ABCB1: variants seen among roughly 807,000 people sequenced by gnomAD.
ABCB1 encodes the protein ATP binding cassette subfamily B member 1, also known as ATP-dependent translocase ABCB1.
A neutral mutation model predicts 142.0 loss-of-function variants in ABCB1; 69 were observed. The ratio of observed to expected loss-of-function variants is 0.49; its 90% CI spans 0.40 to 0.59. The LOEUF is 0.59. Ranked by LOEUF, ABCB1 falls within the 20% of genes least tolerant of loss-of-function variation. The probability of loss-of-function intolerance (pLI) is 0.00; values close to 1 mark genes in which losing one functional copy is unlikely to be tolerated. For synonymous variants in ABCB1, 532 were observed against 539.2 expected, an observed-to-expected ratio of 0.99 and a Z score of 0.18; for missense variants, 1,326 against 1,554.7, an observed-to-expected ratio of 0.85 and a Z score of 2.47.
At chr7:87,625,748 A>T in intron 1 of ABCB1, among the ~76,000 whole-genome samples, 1 of 152,112 alleles carries the variant, frequency 6.6e-6, no homozygotes, top group East Asian at 1.9e-4. Context: ...GACTCTTTAT[A>T]AGCCTCCGTG....
chr7:87,595,884 T>C, intron 2 of ABCB1, 70 bp from the exon 3 acceptor site: 1 of 1,197,010 alleles, frequency 8.4e-7, no homozygotes, highest in Non-Finnish European at 1.2e-6. Context: ...CAAATTAACA[T>C]AGAATGTATA....
chr7:87,517,436 T>A (rs1318421343), intron 23 of ABCB1, among the ~76,000 whole-genome samples: 2 of 152,048 alleles, frequency 1.3e-5, no homozygotes, highest in Non-Finnish European at 2.9e-5. Context: ...GAGGCACACA[T>A]GGAGGAGAGC....
intron 8 of ABCB1, among the ~76,000 whole-genome samples, chr7:87,555,489 T>C (rs1259706228): frequency 6.6e-6 from 1 of 152,212 alleles, no homozygotes; most frequent in African/African-American, 2.4e-5. Flanking sequence ...ACATGCATTG[T>C]TTCTTGCTTT....
chr7:87,535,873 G>T (rs963890684), intron 20 of ABCB1, among the ~76,000 whole-genome samples: 5 of 152,126 alleles, frequency 3.3e-5, no homozygotes, highest in Non-Finnish European at 7.4e-5. Context: ...AGTTGTAGAA[G>T]AAATTGTCAC....
At chr7:87,593,669 G>T (rs533120510) in intron 3 of ABCB1, among the ~76,000 whole-genome samples, 2 of 152,324 alleles carry the variant, frequency 1.3e-5, no homozygotes, top group South Asian at 2.1e-4. Context: ...AAATTTTGGT[G>T]CATGCTGGGT....
intron 1 of ABCB1, chr7:87,700,277 C>A (rs1306302461): frequency 1.4e-5 from 9 of 620,892 alleles, no homozygotes; most frequent in Non-Finnish European, 2.1e-5. Flanking sequence ...AGATTTGAGG[C>A]TTTTTGACAC....
chr7:87,600,256 C>A (rs1402886269), intron 1 of ABCB1, 66 bp from the exon 2 acceptor site: 29 of 1,316,608 alleles, frequency 2.2e-5, no homozygotes, highest in Non-Finnish European at 3.0e-5. Context: ...GTGAGACTAA[C>A]CTCTAGTCCC....
intron 18 of ABCB1, among the ~76,000 whole-genome samples, chr7:87,540,701 C>T (rs12154941): frequency 0.33 from 50,712 of 152,080 alleles, 9,087 homozygotes; most frequent in Non-Finnish European, 0.4. Flanking sequence ...CCACTCACCT[C>T]GGCCTCCCAA....
At chr7:87,700,562 A>G (rs1051958316) in intron 1 of ABCB1, 2 of 1,602,904 alleles carry the variant, frequency 1.2e-6, no homozygotes, top group Admixed American at 1.7e-5. Flanking sequence ...AAGGTAAGAC[A>G]TTGGTCAGAG....
chr7:87,531,885 G>A (rs995262912), intron 20 of ABCB1, among the ~76,000 whole-genome samples: 2 of 152,154 alleles, frequency 1.3e-5, no homozygotes, highest in African/African-American at 2.4e-5. Flanking sequence ...TAAGCCTAAC[G>A]TTTGTCATTA....
chr7:87,589,389 C>T lies in ABCB1; in HGVS notation c.118-3709G>A, dbSNP rs71562756. Among the ~76,000 whole-genome samples the T allele has an allele frequency of 8.4e-3, 1,275 of 152,234 alleles. 10 individuals carry two copies. Among genetic ancestry groups the T allele is most frequent in the Middle Eastern group, 0.017 (5 of 294 alleles). On this transcript the variant is annotated intron_variant, in intron 3 of 27. Coordinates refer to ENST00000622132, the MANE Select transcript of ABCB1 (RefSeq NM_001348946.2). ...TTTGAAAATATAATAATTAACAAGA[C>T]TTTTCACTCTCATAAAGTCAAAAAG...
chr7:87,588,807 A>G lies in ABCB1; in HGVS notation c.118-3127T>C, dbSNP rs185580830. On this transcript the variant is annotated intron_variant, in intron 3 of 27. Transcript: ENST00000622132. ...GTTCCTTTTTCTCCACAATCTTGCC[A>G]GCATCTGTTATTTTTTTACTTTGTA... 1.4e-3 allele frequency among the ~76,000 whole-genome samples: 212 copies of G among 152,320 alleles called. 5 individuals are homozygous for G. The highest frequency in any genetic ancestry group is 0.014 in the Admixed American group (210 of 15,296).
intron 21 of ABCB1, among the ~76,000 whole-genome samples, chr7:87,529,902 C>T (rs1392084413): frequency 1.3e-5 from 2 of 152,180 alleles, no homozygotes; most frequent in Non-Finnish European, 2.9e-5. Context: ...TGGGTCAGCA[C>T]CATCCTGATG....
intron 1 of ABCB1, among the ~76,000 whole-genome samples, chr7:87,623,688 C>T (rs1820307618): frequency 6.6e-6 from 1 of 152,016 alleles, no homozygotes. Context: ...GACTTACTCT[C>T]ACATGGACTT....
intron 21 of ABCB1, among the ~76,000 whole-genome samples, chr7:87,528,320 T>C (rs1030382928): frequency 2.0e-4 from 30 of 152,202 alleles, no homozygotes; most frequent in Non-Finnish European, 3.5e-4. Context: ...CTTTTAACTT[T>C]TTTTAATTAT....
At chr7:87,650,968 C>A in intron 1 of ABCB1, 1 of 1,253,166 alleles carries the variant, frequency 8.0e-7, no homozygotes, top group Non-Finnish European at 1.2e-6. Context: ...TTTATTTTCC[C>A]ACCAGCTGTC....
chr7:87,660,679 G>A (rs1434462076), intron 1 of ABCB1, among the ~76,000 whole-genome samples: 1 of 151,708 alleles, frequency 6.6e-6, no homozygotes, highest in East Asian at 1.9e-4. Context: ...GCTCTATTAT[G>A]TTTATGTTGG....
chr7:87,541,085 T>C (rs1394518785), intron 18 of ABCB1, among the ~76,000 whole-genome samples: 2 of 152,142 alleles, frequency 1.3e-5, no homozygotes, highest in Admixed American at 1.3e-4. Context: ...CATTTTGAAG[T>C]CCCTGCCTTT....
At chr7:87,616,397 G>A (rs116760034) in intron 1 of ABCB1, among the ~76,000 whole-genome samples, 1,562 of 152,314 alleles carry the variant, frequency 0.01, 30 homozygotes, top group African/African-American at 0.036. Flanking sequence ...AGTGATGGAT[G>A]TTTTGTGCAA....
Sources: gnomAD v4.1 joint callset for allele counts (sites outside exome capture counted in the v4.1 genomes callset) on GRCh38, gnomAD v4.1.1 for gene constraint, MANE v1.5 for transcripts, NCBI Gene and HGNC (gene_info 2026-07-23, HGNC 2026-07-21) for gene names.